Variants in JAZF1 observed in about 807,000 individuals in gnomAD.
JAZF1 encodes the protein juxtaposed with another zinc finger protein 1.
In JAZF1, 8 loss-of-function variants were observed where a neutral mutation model predicts 26.4. The ratio of observed to expected loss-of-function variants is 0.30; its 90% CI spans 0.18 to 0.55. The LOEUF (loss-of-function observed/expected upper bound fraction) is 0.55, where lower values mean the gene tolerates loss of function less well. JAZF1 is among the 20% of genes least tolerant of loss of function. The pLI is 0.94. For synonymous variants in JAZF1, 126 were observed against 122.3 expected, an observed-to-expected ratio of 1.03 and a Z score of -0.20; for missense variants, 199 against 322.0, an observed-to-expected ratio of 0.62 and a Z score of 2.92.
intron 1 of JAZF1, among the ~76,000 whole-genome samples, chr7:28,154,732 A>G (rs895361284): frequency 4.6e-5 from 7 of 152,014 alleles, no homozygotes; most frequent in Non-Finnish European, 8.8e-5. Context: ...CCTACCTTTT[A>G]TTAATTATGG....
intron 4 of JAZF1, among the ~76,000 whole-genome samples, chr7:27,836,517 CAT>C (rs1158742055): frequency 6.6e-6 from 1 of 152,188 alleles, no homozygotes; most frequent in Non-Finnish European, 1.5e-5. Flanking sequence ...ATGTGTACAA[CAT>C]GTGACGCTTG....
intron 1 of JAZF1, among the ~76,000 whole-genome samples, chr7:28,138,882 T>C (rs1782923710): frequency 6.6e-6 from 1 of 152,210 alleles, no homozygotes; most frequent in African/African-American, 2.4e-5. Flanking sequence ...CCAGACTACC[T>C]CCCAGAGCGG....
chr7:28,045,199 G>A lies in JAZF1; in HGVS notation c.116-53218C>T, dbSNP rs184358761. Reference sequence around the variant, plus strand: ...GTGGGGATGGGGATGAGTGGTAGGAGTATGTCTACAGAAATGCTGCTGAAT... The same window carrying A: ...GTGGGGATGGGGATGAGTGGTAGGAATATGTCTACAGAAATGCTGCTGAAT... On this transcript the variant is annotated intron_variant, in intron 1 of 4. Coordinates refer to ENST00000283928, the MANE Select transcript of JAZF1 (RefSeq NM_175061.4). Among the ~76,000 whole-genome samples, 11 of 152,254 alleles carry A rather than the reference G, an allele frequency of 7.2e-5. 1 individual carries two copies. The highest frequency in any genetic ancestry group is 5.2e-4 in the Admixed American group (8 of 15,288).
intron 1 of JAZF1, among the ~76,000 whole-genome samples, chr7:28,067,696 A>G (rs1015821414): frequency 3.3e-5 from 5 of 152,258 alleles, no homozygotes; most frequent in Admixed American, 2.0e-4. Context: ...TGAACCAAGT[A>G]GGGCAATTTC....
chr7:28,075,101 A>G (rs934599856), intron 1 of JAZF1, among the ~76,000 whole-genome samples: 1 of 152,210 alleles, frequency 6.6e-6, no homozygotes, highest in Non-Finnish European at 1.5e-5. Flanking sequence ...CCTGGGTTCA[A>G]AGCCTTACTA....
intron 1 of JAZF1, among the ~76,000 whole-genome samples, chr7:28,015,296 A>T (rs1782872463): frequency 6.6e-6 from 1 of 152,168 alleles, no homozygotes; most frequent in Non-Finnish European, 1.5e-5. Context: ...ATAGTGGCTA[A>T]ATGTTAATAC....
chr7:27,915,972 T>C (rs1784438925), intron 2 of JAZF1, among the ~76,000 whole-genome samples: 2 of 152,204 alleles, frequency 1.3e-5, no homozygotes, highest in African/African-American at 4.8e-5. Flanking sequence ...ATATTTAGAA[T>C]GATTTGACCT....
rs144926563 is a variant in JAZF1 at position 28,007,096 on chromosome 7, A to C, written c.116-15115T>G. ...ACTGCAATGGGATGTCAACAGCCCC[A>C]TAACTTAGGAGCAGGTAAAAGTATG... On this transcript the variant is annotated intron_variant, in intron 1 of 4. Transcript: ENST00000283928. 4.6e-3 allele frequency among the ~76,000 whole-genome samples: 700 copies of C among 152,320 alleles called. 6 individuals carry two copies. The highest frequency in any genetic ancestry group is 0.015 in the African/African-American group (642 of 41,572).
intron 2 of JAZF1, among the ~76,000 whole-genome samples, chr7:27,904,675 C>T (rs1784220798): frequency 6.6e-6 from 1 of 152,090 alleles, no homozygotes; most frequent in African/African-American, 2.4e-5. Flanking sequence ...CACCGAAACT[C>T]TGAGCCCCTT....
chr7:28,062,630 T>C (rs935231252), intron 1 of JAZF1, among the ~76,000 whole-genome samples: 12 of 152,076 alleles, frequency 7.9e-5, no homozygotes, highest in Admixed American at 5.9e-4. Flanking sequence ...GCCAGCAAAC[T>C]TCTGTGACAT....
intron 1 of JAZF1, among the ~76,000 whole-genome samples, chr7:28,149,535 G>T (rs1783076546): frequency 1.3e-5 from 2 of 152,126 alleles, no homozygotes; most frequent in African/African-American, 4.8e-5. Flanking sequence ...GTCCTCCTTG[G>T]CATGCCTCCC....
At chr7:28,081,617 C>G (rs965738680) in intron 1 of JAZF1, among the ~76,000 whole-genome samples, 4 of 152,166 alleles carry the variant, frequency 2.6e-5, no homozygotes, top group Admixed American at 1.3e-4. Flanking sequence ...GGCCTCTGCT[C>G]CACCCTTTCC....
At chr7:28,117,238 T>A (rs1784761327) in intron 1 of JAZF1, among the ~76,000 whole-genome samples, 1 of 152,218 alleles carries the variant, frequency 6.6e-6, no homozygotes, top group African/African-American at 2.4e-5. Flanking sequence ...TTTAGTCAAA[T>A]TTATCATTTT....
At chr7:27,967,566 A>G (rs7800252) in intron 2 of JAZF1, among the ~76,000 whole-genome samples, 2,065 of 152,276 alleles carry the variant, frequency 0.014, 54 homozygotes, top group African/African-American at 0.047. Flanking sequence ...CTACAAAAAC[A>G]TAGGTTAAAT....
chr7:28,069,188 G>A (rs1783931129), intron 1 of JAZF1, among the ~76,000 whole-genome samples: 1 of 152,252 alleles, frequency 6.6e-6, no homozygotes, highest in Non-Finnish European at 1.5e-5. Context: ...AGCAGAGCCA[G>A]CTATCTGGAC....
chr7:27,922,500 C>T (rs562071323), intron 2 of JAZF1, among the ~76,000 whole-genome samples: 16 of 152,276 alleles, frequency 1.1e-4, no homozygotes, highest in Admixed American at 5.9e-4. Context: ...CCGCCCGCCT[C>T]GGCCTCCCAA....
chr7:27,897,341 C>T (rs186188243), intron 2 of JAZF1, among the ~76,000 whole-genome samples: 39 of 152,230 alleles, frequency 2.6e-4, no homozygotes, highest in Middle Eastern at 3.4e-3. Context: ...GGAGTCAGGC[C>T]GGGGTTCAAA....
chr7:28,174,214 G>C (rs910750285), intron 1 of JAZF1, among the ~76,000 whole-genome samples: 1 of 152,174 alleles, frequency 6.6e-6, no homozygotes, highest in African/African-American at 2.4e-5. Flanking sequence ...GCGGGGGTAA[G>C]AATGGGGTAG....
rs113133414 is a variant in JAZF1 at position 28,177,563 on chromosome 7, C to A, written c.115+2900G>T. Reference sequence around the variant, plus strand: ...GGCTAAAGGTAATAACCCAGATAGGCCCCCAAAATGGAATGCTCACCTAAG... The same window carrying A: ...GGCTAAAGGTAATAACCCAGATAGGACCCCAAAATGGAATGCTCACCTAAG... On this transcript the variant is annotated intron_variant, in intron 1 of 4. Coordinates refer to ENST00000283928, the MANE Select transcript of JAZF1 (RefSeq NM_175061.4). Among the ~76,000 whole-genome samples the A allele has an allele frequency of 3.7e-3, 560 of 152,232 alleles. 1 individual carries two copies. The highest frequency in any genetic ancestry group is 0.01 in the Middle Eastern group (3 of 294).
Sources: allele counts gnomAD v4.1 joint callset (sites outside exome capture counted in the v4.1 genomes callset), GRCh38; gene constraint gnomAD v4.1.1; transcripts MANE v1.5; gene names NCBI Gene and HGNC (gene_info 2026-07-23, HGNC 2026-07-21).